Variants in GALNT16 observed in about 807,000 individuals in gnomAD.
GALNT16 encodes the protein polypeptide N-acetylgalactosaminyltransferase 16, also known as UDP-GalNAc:polypeptide N-acetylgalactosaminyltransferase-like protein 1.
In GALNT16, 40 loss-of-function variants were observed where a neutral mutation model predicts 76.1. The observed-to-expected ratio is 0.53, with a 90% confidence interval of 0.41 to 0.68. The LOEUF (loss-of-function observed/expected upper bound fraction) is 0.68, where lower values mean the gene tolerates loss of function less well. GALNT16 is among the 30% of genes least tolerant of loss of function. The probability of loss-of-function intolerance (pLI) is 0.00; values close to 1 mark genes in which losing one functional copy is unlikely to be tolerated. For missense variants in GALNT16, 621 were observed against 731.9 expected (o/e 0.85, Z 1.75); for synonymous variants, 276 against 285.2 (o/e 0.97, Z 0.32).
chr14:69,380,462 C>G, the GALNT16 span: 1 of 786,406 alleles, frequency 1.3e-6, no homozygotes, highest in African/African-American at 1.7e-5. Context: ...TACTATGATA[C>G]AAAACTTCCA....
chr14:69,370,545 T>C, the GALNT16 span, among the ~76,000 whole-genome samples: 2 of 152,180 alleles, frequency 1.3e-5, no homozygotes, highest in African/African-American at 4.8e-5. Flanking sequence ...TCGAATCTTT[T>C]ATTTTTTTTT....
At chr14:69,332,797 T>C (rs1342940893) in intron 7 of GALNT16, among the ~76,000 whole-genome samples, 1 of 151,670 alleles carries the variant, frequency 6.6e-6, no homozygotes, top group African/African-American at 2.4e-5. Context: ...AAAATATTAA[T>C]AGTATGGGCA....
intron 1 of GALNT16, among the ~76,000 whole-genome samples, chr14:69,264,168 C>T (rs748603833): frequency 6.6e-6 from 1 of 152,206 alleles, no homozygotes; most frequent in African/African-American, 2.4e-5. Flanking sequence ...TATAGGTGCA[C>T]TCATTTGTGT....
At chr14:69,358,249 CTCTG>C (rs2045704815), downstream of GALNT16, 1 of 152,336 alleles carries the variant, frequency 6.6e-6, no homozygotes, top group African/African-American at 2.4e-5. Flanking sequence ...TCGATGGGGT[CTCTG>C]TCTGGGCCCC....
At chr14:69,260,136 A>ATCCCC, upstream of GALNT16, 39 of 113,994 alleles carry the variant, frequency 3.4e-4, 12 homozygotes, top group South Asian at 2.8e-3. Context: ...TCTCCCTATC[A>ATCCCC]CCCCCCCGCC....
intron 12 of GALNT16, among the ~76,000 whole-genome samples, chr14:69,344,292 G>C (rs2045534432): frequency 6.6e-6 from 1 of 152,262 alleles, no homozygotes; most frequent in Admixed American, 6.5e-5. Context: ...GCTGTGCGTT[G>C]CACAAGCACA....
rs1239622713 is a variant in GALNT16, at chr14:69,285,038, C to CTTTT, written c.177+24572_177+24573insTTTT. Among the ~76,000 whole-genome samples the CTTTT allele has an allele frequency of 1.5e-3, 199 of 130,470 alleles. 27 individuals carry two copies. Among genetic ancestry groups the CTTTT allele is most frequent in the Admixed American group, 1.4e-3 (16 of 11,618 alleles). 85.6% of individuals were successfully genotyped at this position (130,470 alleles called of 152,430 possible). A position where few individuals can be genotyped will look rare whatever the true frequency, so the allele number is the denominator to read the frequency against. On this transcript the variant is annotated intron_variant, in intron 1 of 14. Coordinates refer to ENST00000448469, the MANE Select transcript of GALNT16 (RefSeq NM_001168368.2). ...TTTATATGTTACCCAGTCTCGGGCA[C>CTTTT]TCTTTTTTTTTTTTTTTTTTGAGAC...
chr14:69,264,819 C>CTTTTTTTTTTTTTT (rs60818532), intron 1 of GALNT16, among the ~76,000 whole-genome samples: 4,916 of 95,908 alleles, frequency 0.051, 714 homozygotes, highest in Middle Eastern at 0.069. Context: ...CTTTTTCTTT[C>CTTTTTTTTTTTTTT]TTTTTTTTTT....
chr14:69,325,901 A>C, intron 4 of GALNT16, 61 bp from the exon 5 acceptor site: 1 of 1,365,902 alleles, frequency 7.3e-7, no homozygotes, highest in South Asian at 1.2e-5. Flanking sequence ...CATGGCAGCC[A>C]AACCACTAGT....
intron 1 of GALNT16, among the ~76,000 whole-genome samples, chr14:69,309,756 C>T (rs1220755733): frequency 4.0e-5 from 6 of 151,838 alleles, no homozygotes; most frequent in African/African-American, 9.7e-5. Context: ...ATATTTTTTC[C>T]CAACGTGATG....
At chr14:69,327,172 A>AAAAC (rs2045296749) in intron 5 of GALNT16, among the ~76,000 whole-genome samples, 1 of 152,140 alleles carries the variant, frequency 6.6e-6, no homozygotes, top group African/African-American at 2.4e-5. Context: ...CCAATGTGCT[A>AAAAC]AAACCCCGTC....
intron 5 of GALNT16, among the ~76,000 whole-genome samples, chr14:69,327,250 T>A (rs757622901): frequency 2.0e-5 from 3 of 152,112 alleles, no homozygotes; most frequent in Non-Finnish European, 4.4e-5. Context: ...CTCAGGAGGC[T>A]GAGGCAGGAG....
upstream of GALNT16, chr14:69,260,136 A>ACGCCC: frequency 3.5e-5 from 4 of 113,994 alleles, 1 homozygote; most frequent in South Asian, 4.3e-4. Context: ...TCTCCCTATC[A>ACGCCC]CCCCCCCGCC....
chr14:69,341,708 G>A lies in GALNT16; in HGVS notation c.1215G>A (p.Lys405=), dbSNP rs201657127. The A allele has an allele frequency of 6.2e-7, 1 of 1,613,116 alleles. No individual in the cohort carries two copies. Among genetic ancestry groups the A allele is most frequent in the South Asian group, 1.1e-5 (1 of 90,842 alleles). The change falls in exon 12 of 15, where the codon AAG becomes AAA. Residue 405 remains lysine, a synonymous_variant. Coordinates refer to ENST00000448469, the MANE Select transcript of GALNT16 (RefSeq NM_001168368.2). ...GSVATRIEQR[K]KMNCKSFRWY... ...TGGCTACGCGGATAGAGCAGAGGAA[G>A]AAGATGAACTGCAAGTCCTTCCGCT...
At chr14:69,296,294 A>G (rs2044758616) in intron 1 of GALNT16, among the ~76,000 whole-genome samples, 1 of 152,168 alleles carries the variant, frequency 6.6e-6, no homozygotes, top group African/African-American at 2.4e-5. Context: ...CCATGGTCCA[A>G]TCACCTCCCT....
the GALNT16 span, among the ~76,000 whole-genome samples, chr14:69,369,438 C>T: frequency 2.0e-5 from 3 of 152,146 alleles, no homozygotes; most frequent in African/African-American, 4.8e-5. Context: ...AGACCTCAGC[C>T]GTGAAAGGTT....
At chr14:69,382,753 C>T in the GALNT16 span, among the ~76,000 whole-genome samples, 6 of 148,982 alleles carry the variant, frequency 4.0e-5, no homozygotes, top group African/African-American at 1.5e-4. Flanking sequence ...GCAGGAGAAT[C>T]GCTTGAACCC....
chr14:69,344,942 A>G (rs1333415069), intron 12 of GALNT16, among the ~76,000 whole-genome samples: 1 of 152,208 alleles, frequency 6.6e-6, no homozygotes, highest in African/African-American at 2.4e-5. Context: ...TGCAAACTCA[A>G]ATTCTTACAG....
intron 1 of GALNT16, among the ~76,000 whole-genome samples, chr14:69,294,684 T>C (rs1258954460): frequency 1.3e-5 from 2 of 152,200 alleles, no homozygotes; most frequent in African/African-American, 4.8e-5. Context: ...AGACATTTTA[T>C]ATCAATGGAA....
Sources: allele counts gnomAD v4.1 joint callset (sites outside exome capture counted in the v4.1 genomes callset), GRCh38; gene constraint gnomAD v4.1.1; transcripts MANE v1.5; gene names NCBI Gene and HGNC (gene_info 2026-07-23, HGNC 2026-07-21).